The following ATG5 variants were observed in gnomAD, a reference collection of about 807,000 sequenced individuals.
ATG5 encodes autophagy protein 5.
A neutral mutation model predicts 36.5 loss-of-function variants in ATG5; 14 were observed. The ratio of observed to expected loss-of-function variants is 0.38; its 90% confidence interval spans 0.25 to 0.60. The LOEUF (loss-of-function observed/expected upper bound fraction) is 0.60. Among genes scored for constraint, ATG5 ranks in the 20% least tolerant of loss-of-function variants. The probability of loss-of-function intolerance (pLI) is 0.60; values close to 1 mark genes in which losing one functional copy is unlikely to be tolerated. For synonymous variants in ATG5, 95 were observed against 101.5 expected, an observed-to-expected ratio of 0.94 and a Z score of 0.38; for missense variants, 195 against 326.7, an observed-to-expected ratio of 0.60 and a Z score of 3.11.
At chr6:106,209,443 T>C (rs1776772390) in intron 6 of ATG5, among the ~76,000 whole-genome samples, 1 of 152,200 alleles carries the variant, frequency 6.6e-6, no homozygotes, top group Non-Finnish European at 1.5e-5. Flanking sequence ...GGTTACACAC[T>C]GCATGACTCC....
chr6:106,288,295 T>C (rs1045806434), intron 4 of ATG5, among the ~76,000 whole-genome samples: 13 of 152,130 alleles, frequency 8.5e-5, no homozygotes, highest in Admixed American at 2.0e-4. Flanking sequence ...AATATATGTT[T>C]AAATTTTTTA....
In ATG5 at chr6:106,231,280, A is replaced by C. The variant is rs565349682; in HGVS notation, c.573+16870T>G. On this transcript the variant is annotated intron_variant, in intron 6 of 7. Transcript: ENST00000369076. ...ATCCTTTGATCTGATATGGAGAGAT[A>C]TAATGTTACTGCTAAATCAGACACT... 2.0e-5 allele frequency among the ~76,000 whole-genome samples: 3 copies of C among 152,374 alleles called. No individual in the cohort carries two copies. In the South Asian group the frequency reaches 6.2e-4, roughly 32 times the overall value.
At chr6:106,294,622 A>C (rs1780457719) in intron 3 of ATG5, among the ~76,000 whole-genome samples, 1 of 151,478 alleles carries the variant, frequency 6.6e-6, no homozygotes, top group Non-Finnish European at 1.5e-5. Context: ...CAGGAGTTCG[A>C]GACCAGTTCC....
intron 5 of ATG5, among the ~76,000 whole-genome samples, chr6:106,249,159 C>T (rs1165725478): frequency 1.3e-5 from 2 of 152,054 alleles, no homozygotes; most frequent in African/African-American, 2.4e-5. Context: ...AAATTCACCC[C>T]TTTTAAAGTA....
chr6:106,281,706 T>G (rs900700197), intron 4 of ATG5, among the ~76,000 whole-genome samples: 6 of 152,176 alleles, frequency 3.9e-5, no homozygotes, highest in Admixed American at 6.5e-5. Flanking sequence ...AAAGAAATGC[T>G]GGGTCATAGA....
chr6:106,237,457 A>G (rs1777947953), intron 6 of ATG5, among the ~76,000 whole-genome samples: 1 of 152,194 alleles, frequency 6.6e-6, no homozygotes, highest in Non-Finnish European at 1.5e-5. Context: ...TTTGTACTTT[A>G]GTCCTTGTTC....
chr6:106,238,041 C>T (rs1220854624), intron 6 of ATG5, among the ~76,000 whole-genome samples: 2 of 152,210 alleles, frequency 1.3e-5, no homozygotes, highest in African/African-American at 4.8e-5. Context: ...CTGTCTTTAA[C>T]ATACCAGTAT....
At chr6:106,186,992 G>A (rs1407773649) in intron 7 of ATG5, among the ~76,000 whole-genome samples, 1 of 152,138 alleles carries the variant, frequency 6.6e-6, no homozygotes, top group Non-Finnish European at 1.5e-5. Context: ...TTGTACCAAT[G>A]ACCAAAATTT....
intron 5 of ATG5, among the ~76,000 whole-genome samples, chr6:106,249,387 A>G (rs531372168): frequency 1.3e-5 from 2 of 152,280 alleles, no homozygotes; most frequent in South Asian, 4.1e-4. Context: ...CGCTTGGCAT[A>G]ATATTTTTGG....
At position 106,248,233 on chromosome 6, in the gene ATG5, G is replaced by A; in HGVS notation, c.490C>T (p.Gln164Ter). The A allele has an allele frequency of 6.2e-7, 1 of 1,606,160 alleles. No individual in the cohort carries two copies. The highest frequency in any genetic ancestry group is 8.5e-7 in the Non-Finnish European group (1 of 1,173,232). Residue 164 changes from glutamine to a stop codon, truncating the protein, a stop_gained, in exon 6 of 8, where the codon CAG (glutamine) becomes TAG (stop). Transcript: ENST00000369076. LOFTEE classifies it high-confidence loss of function. ...WMGLQNDRFD[Q>*]FWAINRKLME... ...AGTTTCCGATTGATGGCCCAAAACT[G>A]GTCAAATCTGTCTGTAATGATATAA...
At chr6:106,279,589 A>G in intron 5 of ATG5, 72 bp downstream of exon 5, 3 of 1,237,738 alleles carry the variant, frequency 2.4e-6, no homozygotes, top group Non-Finnish European at 3.2e-6. Flanking sequence ...AAATGTATCA[A>G]CTACTCACAG....
chr6:106,264,397 A>C (rs1403090335), intron 5 of ATG5, among the ~76,000 whole-genome samples: 1 of 152,196 alleles, frequency 6.6e-6, no homozygotes, highest in Admixed American at 6.5e-5. Flanking sequence ...GGAAAATGGA[A>C]CCAAGTTGGA....
chr6:106,265,168 C>CAAAAA (rs748718301), intron 5 of ATG5, among the ~76,000 whole-genome samples: 9 of 56,712 alleles, frequency 1.6e-4, no homozygotes, highest in Non-Finnish European at 2.3e-4. Flanking sequence ...AAATGGAAAG[C>CAAAAA]AAAAAAAAAA....
At chr6:106,286,280 C>A (rs1780077099) in intron 4 of ATG5, among the ~76,000 whole-genome samples, 1 of 152,020 alleles carries the variant, frequency 6.6e-6, no homozygotes. Flanking sequence ...ACTCTCCGTA[C>A]CACCGTCAGG....
At chr6:106,279,564 G>T in intron 5 of ATG5, 97 bp downstream of exon 5, 1 of 1,104,396 alleles carries the variant, frequency 9.1e-7, no homozygotes, top group Non-Finnish European at 1.2e-6. Flanking sequence ...ATTTAAACTT[G>T]TACCACCAAT....
At chr6:106,261,919 A>G (rs1582625061) in intron 5 of ATG5, among the ~76,000 whole-genome samples, 1 of 152,188 alleles carries the variant, frequency 6.6e-6, no homozygotes. Context: ...GACAGCCCCA[A>G]CCCTCACAGC....
intron 6 of ATG5, among the ~76,000 whole-genome samples, chr6:106,243,711 A>G (rs1778216050): frequency 6.6e-6 from 1 of 151,628 alleles, no homozygotes; most frequent in African/African-American, 2.4e-5. Context: ...GGCAATTGTA[A>G]TCCTAGCTAC....
At chr6:106,305,048 G>C (rs1770385979) in intron 3 of ATG5, among the ~76,000 whole-genome samples, 1 of 149,854 alleles carries the variant, frequency 6.7e-6, no homozygotes, top group Non-Finnish European at 1.5e-5. Context: ...CCGAAATCAT[G>C]CCATTGCACT....
intron 4 of ATG5, among the ~76,000 whole-genome samples, chr6:106,289,495 A>G (rs1251987533): frequency 6.6e-6 from 1 of 152,188 alleles, no homozygotes; most frequent in African/African-American, 2.4e-5. Context: ...TAGCTTGAAC[A>G]AACTCTAAAT....
Sources: allele counts gnomAD v4.1 joint callset (sites outside exome capture counted in the v4.1 genomes callset), GRCh38; gene constraint gnomAD v4.1.1; transcripts MANE v1.5; gene names NCBI Gene and HGNC (gene_info 2026-07-23, HGNC 2026-07-21).